FADS3: variants seen among roughly 807,000 people sequenced by gnomAD.
The protein encoded by FADS3 is fatty acid desaturase 3, also known as cytochrome b5-related protein.
A neutral mutation model predicts 60.4 loss-of-function variants in FADS3; 30 were observed. That is an observed-to-expected ratio of 0.50 (90% confidence interval 0.37 to 0.67). The LOEUF (loss-of-function observed/expected upper bound fraction) is 0.67. FADS3 is among the 30% of genes least tolerant of loss of function. FADS3 has a pLI of 0.00. For missense variants in FADS3, 432 were observed against 598.3 expected (o/e 0.72, Z 2.90); for synonymous variants, 234 against 249.3 (o/e 0.94, Z 0.58).
chr11:61,888,513 T>C (rs1275326167), intron 1 of FADS3, among the ~76,000 whole-genome samples: 1 of 152,208 alleles, frequency 6.6e-6, no homozygotes, highest in Non-Finnish European at 1.5e-5. Flanking sequence ...TTCTGGCAAC[T>C]CTAGTCCAGG....
Position 61,878,484 on chromosome 11 carries a change from G to T in FADS3, c.747+28C>A, listed in dbSNP as rs748803533. 8 of 1,609,322 alleles carry T rather than the reference G, an allele frequency of 5.0e-6. No homozygotes were observed. In the African/African-American group the frequency reaches 1.1e-4, roughly 21 times the overall value. ...TCCCCCTCAGCTGCAGGCCCAGCCA[G>T]AGGTTGTCCACGTCCCTCCCCACCC... is the stretch of plus-strand genomic sequence containing the variant. On this transcript the variant is annotated intron_variant, in intron 5 of 11. Coordinates refer to ENST00000278829, the MANE Select transcript of FADS3 (RefSeq NM_021727.5).
Position 61,891,498 on chromosome 11 carries a change from G to C in FADS3, c.-117C>G, listed in dbSNP as rs1380292658. The C allele has an allele frequency of 1.4e-5, 9 of 655,378 alleles. No individual in the cohort carries two copies. Among genetic ancestry groups the C allele is most frequent in the Non-Finnish European group, 1.9e-5 (9 of 468,010 alleles). 40.6% of individuals were successfully genotyped at this position (655,378 alleles called of 1,614,324 possible). The stretch of plus-strand genomic sequence containing the variant: ...CGCCGCCGCCCGCTGCTCCGGCCCC[G>C]CCCTGCCGCCGCGGCCGCCGTACGA... On this transcript the variant is annotated 5_prime_UTR_variant, in exon 1 of 12. Coordinates refer to ENST00000278829, the MANE Select transcript of FADS3 (RefSeq NM_021727.5).
chr11:61,889,613 C>G (rs1938429034), intron 1 of FADS3, among the ~76,000 whole-genome samples: 1 of 152,182 alleles, frequency 6.6e-6, no homozygotes, highest in African/African-American at 2.4e-5. Flanking sequence ...CGCCATTGCA[C>G]TCCAGTCTGG....
At position 61,879,337 on chromosome 11, in the gene FADS3, G is replaced by A. The variant is rs750146348; in HGVS notation, c.497C>T (p.Ala166Val). 1.3e-6 allele frequency: 2 copies of A among 1,555,832 alleles called. No homozygotes were observed. The highest frequency in any genetic ancestry group is 3.9e-5 in the Admixed American group (2 of 51,196). ...LGPGWVPSAL[A>V]AFILAISQAQ... ...CTGAGAGATGGCCAGGATGAAGGCG[G>A]CCAGGGCACTGGGCACCCAGCCAGG... The change falls in exon 3 of 12, where the codon GCC (alanine) becomes GTC (valine). Residue 166 changes from alanine to valine, a missense_variant. This residue lies in a region of FADS3 where 116 missense variants were observed against 208.9 expected (regional missense o/e 0.56). Coordinates refer to ENST00000278829, the MANE Select transcript of FADS3 (RefSeq NM_021727.5).
At chr11:61,889,650 C>T (rs1240706928) in intron 1 of FADS3, among the ~76,000 whole-genome samples, 3 of 151,488 alleles carry the variant, frequency 2.0e-5, no homozygotes, top group African/African-American at 7.3e-5. Context: ...CTGTCTCCGG[C>T]GGTTGGTGGG....
intron 1 of FADS3, among the ~76,000 whole-genome samples, chr11:61,883,377 G>A (rs1410462997): frequency 6.6e-6 from 1 of 152,202 alleles, no homozygotes; most frequent in Non-Finnish European, 1.5e-5. Flanking sequence ...GCACGTGTCA[G>A]GATGTCCTAC....
intron 1 of FADS3, chr11:61,882,104 T>G (rs1369705749): frequency 5.5e-5 from 7 of 127,584 alleles, no homozygotes; most frequent in Non-Finnish European, 1.0e-4. Context: ...GGGTGTTTTT[T>G]TTTTTTTTTT....
Position 61,873,683 on chromosome 11 carries a change from G to A in FADS3, c.*131C>T, listed in dbSNP as rs1937760106. 1.4e-6 allele frequency: 1 copy of A among 716,424 alleles called. No individual in the cohort carries two copies. The highest frequency in any genetic ancestry group is 2.5e-6 in the Non-Finnish European group (1 of 394,588). The allele number at this position is 716,424 out of a possible 1,614,324, so 44.4% of individuals were successfully genotyped here. A position where few individuals can be genotyped will look rare whatever the true frequency, so the allele number is the denominator to read the frequency against. ...ACACATGTGAGGGGGCCGAGGGGAA[G>A]ACAACAGTACCAGGAGGGCAGGCAG... On this transcript the variant is annotated 3_prime_UTR_variant, in exon 12 of 12. Transcript: ENST00000278829.
At position 61,877,841 on chromosome 11, in the gene FADS3, C is replaced by T. The variant is rs1937965990; in HGVS notation, c.809-254G>A. On this transcript the variant is annotated intron_variant, in intron 6 of 11. Transcript: ENST00000278829. The surrounding 1 kb of genome is among the most constrained non-coding windows in gnomAD (Gnocchi z 4.7). ...GTCCTCACTCTGTCCGCCCCAACAACTGCCCAAAGACTCTAGGGCTCCGGA... is the reference window on the plus strand; with the variant it reads ...GTCCTCACTCTGTCCGCCCCAACAATTGCCCAAAGACTCTAGGGCTCCGGA... 5.0e-6 allele frequency: 3 copies of T among 595,130 alleles called. No homozygotes were observed. Among genetic ancestry groups the T allele is most frequent in the African/African-American group, 1.9e-5 (1 of 53,910 alleles). The allele number at this position is 595,130 out of a possible 1,614,324, so 36.9% of individuals were successfully genotyped here.
chr11:61,876,051 C>T lies in FADS3; in HGVS notation c.1160+60G>A, dbSNP rs767407688. 1.2e-6 allele frequency: 2 copies of T among 1,609,388 alleles called. No homozygotes were observed. The highest frequency in any genetic ancestry group is 1.7e-6 in the Non-Finnish European group (2 of 1,177,370). On this transcript the variant is annotated intron_variant, in intron 10 of 11. Coordinates refer to ENST00000278829, the MANE Select transcript of FADS3 (RefSeq NM_021727.5). The surrounding 1 kb of genome is among the most constrained non-coding windows in gnomAD (Gnocchi z 5.7). ...GAGGCCCCACCCACGGGTCCCCTCC[C>T]AGGATCCCCTCCCAGGACCCCCTCC...
At chr11:61,883,611 C>CA (rs891002299) in intron 1 of FADS3, among the ~76,000 whole-genome samples, 3 of 152,232 alleles carry the variant, frequency 2.0e-5, no homozygotes, top group African/African-American at 7.2e-5. Flanking sequence ...ACACCCGGCG[C>CA]AACGTGCAAG....
chr11:61,880,919 C>CT (rs1348533712), intron 1 of FADS3: 2 of 152,208 alleles, frequency 1.3e-5, no homozygotes, highest in African/African-American at 2.4e-5. Flanking sequence ...CCAAGCTGGT[C>CT]TTTAACTCCT....
intron 5 of FADS3, 48 bp downstream of exon 5, chr11:61,878,464 C>G (rs368190921): frequency 2.2e-5 from 35 of 1,597,570 alleles, no homozygotes; most frequent in African/African-American, 1.3e-4. Context: ...TTAGCTCCCC[C>G]TCAGCTGCAG....
At position 61,877,318 on chromosome 11, in the gene FADS3, G is replaced by A. The variant is rs1040593669; in HGVS notation, c.885+193C>T. 7.8e-5 allele frequency: 30 copies of A among 382,456 alleles called. No individual in the cohort carries two copies. The highest frequency in any genetic ancestry group is 4.0e-4 in the South Asian group (11 of 27,206). The allele number at this position is 382,456 out of a possible 1,614,324, so 23.7% of individuals were successfully genotyped here. A position where few individuals can be genotyped will look rare whatever the true frequency, so the allele number is the denominator to read the frequency against. On this transcript the variant is annotated intron_variant, in intron 7 of 11. Transcript: ENST00000278829. This position sits in a 1 kb window ranked among gnomAD's most constrained non-coding sequence, Gnocchi z 4.7. ...GTTCCTCAACCCCCCCCCACCACAC[G>A]TACAGTCACGGGCACACTCGCTCTC...
chr11:61,876,579 A>G lies in FADS3; in HGVS notation c.984-124T>C. On this transcript the variant is annotated intron_variant, in intron 8 of 11. Transcript: ENST00000278829. The surrounding 1 kb of genome is among the most constrained non-coding windows in gnomAD (Gnocchi z 5.7). Reference sequence around the variant, plus strand: ...TTATCTGTACAATAGGATTGTGGCCATCGCCCCCTTGCCAGTGTTTAAAGA... The same window carrying G: ...TTATCTGTACAATAGGATTGTGGCCGTCGCCCCCTTGCCAGTGTTTAAAGA... 1 of 785,746 alleles carries G rather than the reference A, an allele frequency of 1.3e-6. No individual in the cohort carries two copies. 48.7% of individuals were successfully genotyped at this position (785,746 alleles called of 1,614,324 possible).
At position 61,876,986 on chromosome 11, in the gene FADS3, T is replaced by C. The variant is rs1195303366; in HGVS notation, c.886-23A>G. 20 of 1,534,876 alleles carry C rather than the reference T, an allele frequency of 1.3e-5. No individual in the cohort carries two copies. The highest frequency in any genetic ancestry group is 1.7e-5 in the Non-Finnish European group (19 of 1,133,106). On this transcript the variant is annotated intron_variant, in intron 7 of 11. Transcript: ENST00000278829. The surrounding 1 kb of genome is among the most constrained non-coding windows in gnomAD (Gnocchi z 5.7). ...ATCCTGCAGAGGAGGGCAGAGGCGA[T>C]ACCGAGAGGTCTCCAGGTGCCCGGA...
Position 61,879,409 on chromosome 11 carries a change from A to C in FADS3, c.425T>G (p.Ile142Ser). ...PTFFAFLLGH[I>S]LAMEVLAWLL... Reference sequence around the variant, plus strand: ...CCAGGCCAGCACCTCCATGGCCAGGATGTGGCCCAGTAGGAAAGCAAAGAA... The same window carrying C: ...CCAGGCCAGCACCTCCATGGCCAGGCTGTGGCCCAGTAGGAAAGCAAAGAA... The change falls in exon 3 of 12, where the codon ATC becomes AGC. Residue 142 changes from isoleucine to serine, a missense_variant. By Grantham distance (142) the Ile-to-Ser change is moderately radical. This residue lies in a region of FADS3 where 116 missense variants were observed against 208.9 expected (regional missense o/e 0.56). Transcript: ENST00000278829. 1 of 1,597,272 alleles carries C rather than the reference A, an allele frequency of 6.3e-7. No individual in the cohort carries two copies. Among genetic ancestry groups the C allele is most frequent in the Non-Finnish European group, 8.5e-7 (1 of 1,172,896 alleles).
Position 61,878,135 on chromosome 11 carries a change from A to G in FADS3, c.808+20T>C. ...AGGCCCAGGCACTCCCCCACCCCAG[A>G]AGGACAGATGGACACTCACTCAGGA... On this transcript the variant is annotated intron_variant, in intron 6 of 11. Transcript: ENST00000278829. 6.2e-7 allele frequency: 1 copy of G among 1,612,144 alleles called. No homozygotes were observed. The highest frequency in any genetic ancestry group is 8.5e-7 in the Non-Finnish European group (1 of 1,178,288).
intron 1 of FADS3, among the ~76,000 whole-genome samples, chr11:61,885,862 C>A (rs1372575039): frequency 6.6e-6 from 1 of 152,186 alleles, no homozygotes; most frequent in Non-Finnish European, 1.5e-5. Context: ...TGCCTCTCCC[C>A]TCTCCCAGGT....
Sources: allele counts gnomAD v4.1 joint callset (sites outside exome capture counted in the v4.1 genomes callset), GRCh38; gene constraint gnomAD v4.1.1; regional missense constraint gnomAD v4.1.1; non-coding constraint Gnocchi (gnomAD v3.1); transcripts MANE v1.5; gene names NCBI Gene and HGNC (gene_info 2026-07-23, HGNC 2026-07-21).